Variants in LARS2 observed in about 807,000 individuals in gnomAD.
LARS2 encodes the protein leucine--tRNA ligase, mitochondrial.
LARS2 carries 81 observed loss-of-function variants against 116.6 expected under a neutral mutation model. The observed-to-expected ratio is 0.69, with a 90% confidence interval of 0.58 to 0.84. LARS2 has a LOEUF of 0.84. LARS2 is among the 40% of genes least tolerant of loss of function. The pLI is 0.00. For missense variants in LARS2, 968 were observed against 1,114.5 expected, an observed-to-expected ratio of 0.87 and a Z score of 1.87; for synonymous variants, 396 against 407.2, an observed-to-expected ratio of 0.97 and a Z score of 0.33.
At chr3:45,417,379 T>TA in intron 4 of LARS2, 103 bp from the exon 5 acceptor site, 1 of 847,708 alleles carries the variant, frequency 1.2e-6, no homozygotes, top group Non-Finnish European at 2.0e-6. Context: ...CAGCAAAAGA[T>TA]AAGGCATGTT....
At chr3:45,390,984 C>G (rs72881341) in intron 1 of LARS2, among the ~76,000 whole-genome samples, 4 of 152,202 alleles carry the variant, frequency 2.6e-5, no homozygotes, top group African/African-American at 9.7e-5. Context: ...TCTTTTCACA[C>G]ACATGAGCTC....
At chr3:45,484,477 C>T (rs1699758744) in intron 10 of LARS2, among the ~76,000 whole-genome samples, 1 of 148,966 alleles carries the variant, frequency 6.7e-6, no homozygotes, top group African/African-American at 2.5e-5. Flanking sequence ...TAAGATGATA[C>T]AGTGTTAGCT....
intron 10 of LARS2, among the ~76,000 whole-genome samples, chr3:45,481,770 C>T (rs999027939): frequency 6.6e-6 from 1 of 152,034 alleles, no homozygotes; most frequent in Non-Finnish European, 1.5e-5. Flanking sequence ...TTATCAGATA[C>T]GTAATCTACT....
chr3:45,475,946 A>G (rs573509581), intron 9 of LARS2, among the ~76,000 whole-genome samples: 3 of 152,330 alleles, frequency 2.0e-5, no homozygotes, highest in Admixed American at 2.0e-4. Flanking sequence ...CTCTTCCTTA[A>G]AAGGCATTTT....
chr3:45,457,095 G>C (rs1034103298), intron 7 of LARS2, among the ~76,000 whole-genome samples: 2 of 152,220 alleles, frequency 1.3e-5, no homozygotes, highest in African/African-American at 4.8e-5. Flanking sequence ...TAGGCTGCAG[G>C]GGCAACGTCA....
At chr3:45,441,479 A>G (rs1186054370) in intron 6 of LARS2, among the ~76,000 whole-genome samples, 1 of 152,192 alleles carries the variant, frequency 6.6e-6, no homozygotes, top group Admixed American at 6.5e-5. Context: ...TGGTGTGGCC[A>G]CAAACTAGTG....
intron 19 of LARS2, among the ~76,000 whole-genome samples, chr3:45,523,639 A>G (rs1450749849): frequency 6.6e-6 from 1 of 150,912 alleles, no homozygotes; most frequent in African/African-American, 2.4e-5. Flanking sequence ...TGATCCTCCC[A>G]CTTCAGCCTC....
At chr3:45,479,425 G>T (rs1380864149) in intron 10 of LARS2, among the ~76,000 whole-genome samples, 3 of 151,896 alleles carry the variant, frequency 2.0e-5, no homozygotes, top group Non-Finnish European at 4.4e-5. Context: ...GAACAGCAGG[G>T]ATCAGGATGG....
intron 8 of LARS2, 24 bp downstream of exon 8, chr3:45,458,910 C>G (rs1283208002): frequency 1.2e-6 from 2 of 1,612,410 alleles, no homozygotes; most frequent in South Asian, 1.1e-5. Flanking sequence ...TGGAGGCTCC[C>G]CACTAATGCC....
intron 7 of LARS2, among the ~76,000 whole-genome samples, chr3:45,448,550 G>A (rs1484050577): frequency 6.6e-6 from 1 of 152,192 alleles, no homozygotes; most frequent in East Asian, 1.9e-4. Flanking sequence ...GGGTCTCACA[G>A]CCTTCAGAGC....
At chr3:45,414,458 A>C (rs1408710224) in intron 4 of LARS2, among the ~76,000 whole-genome samples, 1 of 152,188 alleles carries the variant, frequency 6.6e-6, no homozygotes, top group Non-Finnish European at 1.5e-5. Flanking sequence ...TTAGTTGAAA[A>C]TGTCCCATTC....
chr3:45,454,561 A>G (rs1051445489), intron 7 of LARS2, among the ~76,000 whole-genome samples: 1 of 152,152 alleles, frequency 6.6e-6, no homozygotes, highest in Non-Finnish European at 1.5e-5. Context: ...TTTCAGTGTT[A>G]ATTTAAGGTT....
At chr3:45,481,813 A>G (rs1699707920) in intron 10 of LARS2, among the ~76,000 whole-genome samples, 1 of 152,174 alleles carries the variant, frequency 6.6e-6, no homozygotes, top group Non-Finnish European at 1.5e-5. Flanking sequence ...GTTTGTCTTC[A>G]TGGTGCCCTT....
At chr3:45,476,694 A>C in intron 10 of LARS2, 67 bp downstream of exon 10, 1 of 1,536,518 alleles carries the variant, frequency 6.5e-7, no homozygotes, top group South Asian at 1.1e-5. Flanking sequence ...CGCCTCCCAG[A>C]GTTCAAGGTC....
chr3:45,503,783 TA>T (rs1700157935), intron 15 of LARS2, among the ~76,000 whole-genome samples: 2 of 152,056 alleles, frequency 1.3e-5, no homozygotes, highest in East Asian at 3.8e-4. Flanking sequence ...ATTATTTCCC[TA>T]TCCAGATAAC....
Position 45,474,277 on chromosome 3 carries a change from G to T in LARS2, c.785G>T (p.Trp262Leu). The T allele has an allele frequency of 1.2e-6, 2 of 1,611,504 alleles. No individual in the cohort carries two copies. Among genetic ancestry groups the T allele is most frequent in the Non-Finnish European group, 8.5e-7 (1 of 1,178,032 alleles). The change falls in exon 9 of 22, where the codon TGG becomes TTG. Residue 262 changes from tryptophan (W) to leucine (L), a missense_variant. Physicochemically the swap from Trp to Leu is moderately conservative, Grantham distance 61. Transcript: ENST00000645846. ...MQDALADLPEWYGIKGMQAHW... is the reference protein window; with the variant it reads ...MQDALADLPELYGIKGMQAHW... ...GACGCGTTGGCAGACCTTCCAGAATGGTATGGAATAAAAGGCATGCAAGCC... is the reference window on the plus strand; with the variant it reads ...GACGCGTTGGCAGACCTTCCAGAATTGTATGGAATAAAAGGCATGCAAGCC...
At chr3:45,413,728 A>G (rs1044807177) in intron 4 of LARS2, among the ~76,000 whole-genome samples, 25 of 152,228 alleles carry the variant, frequency 1.6e-4, no homozygotes, top group Non-Finnish European at 1.9e-4. Flanking sequence ...TAATGTGCAT[A>G]GTGGAAGTAT....
chr3:45,523,505 T>A (rs1228909124), intron 19 of LARS2, among the ~76,000 whole-genome samples: 1 of 151,652 alleles, frequency 6.6e-6, no homozygotes, highest in Admixed American at 6.6e-5. Context: ...GTTAACATCA[T>A]GTATTTGTTG....
chr3:45,535,774 ACC>A (rs71095040), intron 20 of LARS2, among the ~76,000 whole-genome samples: 1,662 of 82,194 alleles, frequency 0.02, 17 homozygotes, highest in East Asian at 0.044. Context: ...ACACCCCCAC[ACC>A]CACATACACA....
Sources: allele counts gnomAD v4.1 joint callset (sites outside exome capture counted in the v4.1 genomes callset), GRCh38; gene constraint gnomAD v4.1.1; transcripts MANE v1.5; gene names NCBI Gene and HGNC (gene_info 2026-07-23, HGNC 2026-07-21).